Variants in NKAIN4 observed in about 807,000 individuals in gnomAD.
NKAIN4 encodes sodium/potassium-transporting ATPase subunit beta-1-interacting protein 4.
Under a neutral mutation model 28.8 loss-of-function variants are expected in NKAIN4, and 28 were observed. That is an observed-to-expected ratio of 0.97 (90% CI 0.72 to 1.33). The LOEUF (loss-of-function observed/expected upper bound fraction) is 1.33, where lower values mean the gene tolerates loss of function less well. Ranked by LOEUF, NKAIN4 falls within the 40% of genes most tolerant of loss-of-function variation. NKAIN4 has a pLI of 0.00. For missense variants in NKAIN4, 289 were observed against 277.2 expected (o/e 1.04, Z -0.30); for synonymous variants, 122 against 115.6 (o/e 1.06, Z -0.36).
intron 4 of NKAIN4, chr20:63,244,333 G>A (rs2066817698): frequency 1.0e-5 from 6 of 572,456 alleles, no homozygotes; most frequent in Non-Finnish European, 2.0e-5. Flanking sequence ...GGTGGGTGAG[G>A]ATAATGGATA....
At position 63,245,761 on chromosome 20, in the gene NKAIN4, G is replaced by A. The variant is rs1340061154; in HGVS notation, c.472-1677C>T. Among the ~76,000 whole-genome samples the A allele has an allele frequency of 1.3e-5, 2 of 152,054 alleles. No individual in the cohort carries two copies. Among genetic ancestry groups the A allele is most frequent in the Non-Finnish European group, 2.9e-5 (2 of 68,022 alleles). On this transcript the variant is annotated intron_variant, in intron 4 of 6. Coordinates refer to ENST00000370316, the MANE Select transcript of NKAIN4 (RefSeq NM_152864.4). The surrounding 1 kb of genome is among the most constrained non-coding windows in gnomAD (Gnocchi z 4.7). The stretch of plus-strand genomic sequence containing the variant: ...GATCCTAGCGAGGACTAGCTGGCTG[G>A]AATTTAGAAACTACATCCTATCAAA...
In NKAIN4 at chr20:63,241,503, A is replaced by G; in HGVS notation, c.621T>C (p.Pro207=). The change falls in exon 7 of 7, where the codon CCT becomes CCC. Residue 207 remains proline (P), a synonymous_variant. Coordinates refer to ENST00000370316, the MANE Select transcript of NKAIN4 (RefSeq NM_152864.4). ...SSLLSKQVYL[P]A is the part of the protein sequence containing the mutation. Reference sequence around the variant, plus strand: ...GGATCAGCTGTTTCCTCACTTACGCAGGCCTGTGGGGACAAGGTCAGAGAG... The same window carrying G: ...GGATCAGCTGTTTCCTCACTTACGCGGGCCTGTGGGGACAAGGTCAGAGAG... 6.5e-7 allele frequency: 1 copy of G among 1,550,148 alleles called. No homozygotes were observed. The highest frequency in any genetic ancestry group is 1.2e-5 in the South Asian group (1 of 84,032).
In NKAIN4 at chr20:63,244,028, G is replaced by C; in HGVS notation, c.528C>G (p.Asp176Glu). ...CTGCAGAGGCCCCATACTCACAGCT[G>C]TCCTCTTCCTCCGTAAACACGCTGA... is the stretch of plus-strand genomic sequence containing the variant. ...QVVSVFTEEE[D>E]SFDFIGGFDP... The change falls in exon 5 of 7, where the codon GAC (aspartate) becomes GAG (glutamate). Residue 176 changes from aspartate to glutamate, a missense_variant. Transcript: ENST00000370316. 1 of 1,613,150 alleles carries C rather than the reference G, an allele frequency of 6.2e-7. No individual in the cohort carries two copies. Among genetic ancestry groups the C allele is most frequent in the Non-Finnish European group, 8.5e-7 (1 of 1,179,474 alleles).
At chr20:63,250,992 C>T (rs939196654) in intron 1 of NKAIN4, among the ~76,000 whole-genome samples, 9 of 148,724 alleles carry the variant, frequency 6.1e-5, no homozygotes, top group African/African-American at 9.9e-5. Context: ...ACCACCAAGA[C>T]GCAGAGACCA....
At chr20:63,253,505 A>G (rs2066997112) in intron 1 of NKAIN4, 1 of 985,504 alleles carries the variant, frequency 1.0e-6, no homozygotes, top group Non-Finnish European at 1.2e-6. Flanking sequence ...CAAGAGGAGG[A>G]GGGGGGCGCG....
chr20:63,252,590 T>C lies in NKAIN4; in HGVS notation c.54+1807A>G, dbSNP rs1390714738. Among the ~76,000 whole-genome samples the C allele has an allele frequency of 6.6e-6, 1 of 152,110 alleles. No individual in the cohort carries two copies. Among genetic ancestry groups the C allele is most frequent in the African/African-American group, 2.4e-5 (1 of 41,424 alleles). The stretch of plus-strand genomic sequence containing the variant: ...AGAGGAGGCACAGTGGGCTGCCAGA[T>C]TGCCAACCCGGCCAGGACAAAAGGC... On this transcript the variant is annotated intron_variant, in intron 1 of 6. Transcript: ENST00000370316. The surrounding 1 kb of genome is among the most constrained non-coding windows in gnomAD (Gnocchi z 4.6).
In NKAIN4 at chr20:63,247,784, G is replaced by GCTCC; in HGVS notation, c.274-10_274-9insGGAG. On this transcript the variant is annotated splice_polypyrimidine_tract_variant and intron_variant, in intron 3 of 6. Coordinates refer to ENST00000370316, the MANE Select transcript of NKAIN4 (RefSeq NM_152864.4). ...GTCAGTAGCTCGCTGTCCTAGGGGA[G>GCTCC]AGGTGCAGGAGCAGGGCCGGTTAGC... 6.9e-7 allele frequency: 1 copy of GCTCC among 1,441,974 alleles called. No individual in the cohort carries two copies. The highest frequency in any genetic ancestry group is 9.1e-7 in the Non-Finnish European group (1 of 1,093,620). The allele number at this position is 1,441,974 out of a possible 1,614,324, so 89.3% of individuals were successfully genotyped here.
At position 63,254,436 on chromosome 20, in the gene NKAIN4, G is replaced by A. The variant is rs1268946506; in HGVS notation, c.15C>T (p.Ser5=). 1.4e-6 allele frequency: 2 copies of A among 1,415,300 alleles called. No homozygotes were observed. The highest frequency in any genetic ancestry group is 1.8e-6 in the Non-Finnish European group (2 of 1,083,154). The allele number at this position is 1,415,300 out of a possible 1,614,324, so 87.7% of individuals were successfully genotyped here. The part of the protein sequence containing the change: MGSC[S]GRCALVVLCA... ...AGAGGACGACGAGCGCGCAGCGGCC[G>A]GAGCAGGAGCCCATGGTGCCCGCCT... is the stretch of plus-strand genomic sequence containing the variant. The change falls in exon 1 of 7, where the codon TCC becomes TCT. Residue 5 remains serine, a synonymous_variant. Transcript: ENST00000370316.
chr20:63,243,009 G>A lies in NKAIN4; in HGVS notation c.533-386C>T, dbSNP rs1217841060. Among the ~76,000 whole-genome samples, 5 of 152,308 alleles carry A rather than the reference G, an allele frequency of 3.3e-5. No homozygotes were observed. The East Asian group carries it at 9.7e-4, about 29-fold the overall frequency. On this transcript the variant is annotated intron_variant, in intron 5 of 6. Coordinates refer to ENST00000370316, the MANE Select transcript of NKAIN4 (RefSeq NM_152864.4). ...CTGTGCAGGGGCTGCACCGTGTTCC[G>A]CCCACTCTCCCGCCGCCCTCCGTCA...
rs762342864 is a variant in NKAIN4, at chr20:63,242,567, A to G, written c.589T>C (p.Ser197Pro). ...FPLYHVNEKPSSLLSKQVYLP... is the reference protein window; with the variant it reads ...FPLYHVNEKPPSLLSKQVYLP... ...TACACCTGCTTGGACAAGAGACTGG[A>G]TGGCTTTTCATTGACATGGTAGAGA... Residue 197 changes from serine (S) to proline (P), a missense_variant, in exon 6 of 7, where the codon TCC (serine) becomes CCC (proline). Coordinates refer to ENST00000370316, the MANE Select transcript of NKAIN4 (RefSeq NM_152864.4). The G allele has an allele frequency of 6.2e-7, 1 of 1,613,564 alleles. No homozygotes were observed. The highest frequency in any genetic ancestry group is 8.5e-7 in the Non-Finnish European group (1 of 1,179,606).
intron 1 of NKAIN4, 22 bp downstream of exon 1, chr20:63,254,375 T>C: frequency 6.9e-7 from 1 of 1,443,820 alleles, no homozygotes; most frequent in Middle Eastern, 2.4e-4. Flanking sequence ...TCCAGGAGGC[T>C]CGCGGAGGGG....
At position 63,250,817 on chromosome 20, in the gene NKAIN4, C is replaced by G. The variant is rs1056633551; in HGVS notation, c.55-745G>C. ...CAGGGACTGGCGCACTCGGCACCAC[C>G]CGTCACCAGCTCCTTCCCACGTGCT... On this transcript the variant is annotated intron_variant, in intron 1 of 6. Coordinates refer to ENST00000370316, the MANE Select transcript of NKAIN4 (RefSeq NM_152864.4). Among the ~76,000 whole-genome samples the G allele has an allele frequency of 3.9e-5, 6 of 152,212 alleles. No homozygotes were observed. In the South Asian group the frequency reaches 6.2e-4, roughly 16 times the overall value.
At chr20:63,244,610 G>A (rs560715444) in intron 4 of NKAIN4, 93 of 463,482 alleles carry the variant, frequency 2.0e-4, no homozygotes, top group Non-Finnish European at 2.7e-4. Context: ...GGGCAACTCC[G>A]GGCAGAGTTG....
intron 4 of NKAIN4, chr20:63,246,716 G>A: frequency 2.0e-6 from 2 of 985,464 alleles, no homozygotes; most frequent in Non-Finnish European, 2.4e-6. Flanking sequence ...GACGGCACCA[G>A]CCGTGCTGCA....
chr20:63,254,814 T>C (rs921837605), upstream of NKAIN4: 2 of 196,432 alleles, frequency 1.0e-5, no homozygotes, highest in Admixed American at 1.2e-4. Flanking sequence ...TCCTGCAGGA[T>C]GACCTGCCCA....
At chr20:63,254,097 G>C (rs1177791558) in intron 1 of NKAIN4, 3 of 416,462 alleles carry the variant, frequency 7.2e-6, no homozygotes, top group Non-Finnish European at 1.3e-5. Context: ...GGCCCCGCCC[G>C]AAGGCTTCCG....
chr20:63,243,001 C>T (rs952430632), intron 5 of NKAIN4, among the ~76,000 whole-genome samples: 2 of 152,182 alleles, frequency 1.3e-5, no homozygotes, highest in Admixed American at 6.5e-5. Context: ...GGGGCTGCAC[C>T]GTGTTCCGCC....
Position 63,245,838 on chromosome 20 carries a change from C to T in NKAIN4, c.471+1740G>A, listed in dbSNP as rs902864837. On this transcript the variant is annotated intron_variant, in intron 4 of 6. Transcript: ENST00000370316. This position sits in a 1 kb window ranked among gnomAD's most constrained non-coding sequence, Gnocchi z 4.7. ...TAAAAGCCAACAGGAGGCCCCATCT[C>T]CCCAACCATGCAGAGTGCCCACTCC... Among the ~76,000 whole-genome samples, 2 of 152,154 alleles carry T rather than the reference C, an allele frequency of 1.3e-5. No homozygotes were observed. The highest frequency in any genetic ancestry group is 6.5e-5 in the Admixed American group (1 of 15,274).
chr20:63,249,976 G>C lies in NKAIN4; in HGVS notation c.151C>G (p.Leu51Val). 6.2e-7 allele frequency: 1 copy of C among 1,613,488 alleles called. No individual in the cohort carries two copies. Among genetic ancestry groups the C allele is most frequent in the Non-Finnish European group, 8.5e-7 (1 of 1,179,952 alleles). ...FVHIIIVILGLFGTIQYRLRY... is the reference protein window; with the variant it reads ...FVHIIIVILGVFGTIQYRLRY... Reference sequence around the variant, plus strand: ...AGCCGGTACTGGATGGTGCCGAAGAGTCCCAGGATGACGATGATGATGTGG... The same window carrying C: ...AGCCGGTACTGGATGGTGCCGAAGACTCCCAGGATGACGATGATGATGTGG... The change falls in exon 2 of 7, where the codon CTC (leucine) becomes GTC (valine). Residue 51 changes from leucine to valine, a missense_variant. By Grantham distance (32) the Leu-to-Val change is conservative. Coordinates refer to ENST00000370316, the MANE Select transcript of NKAIN4 (RefSeq NM_152864.4).
Sources: allele counts gnomAD v4.1 joint callset (sites outside exome capture counted in the v4.1 genomes callset), GRCh38; gene constraint gnomAD v4.1.1; non-coding constraint Gnocchi (gnomAD v3.1); transcripts MANE v1.5; gene names NCBI Gene and HGNC (gene_info 2026-07-23, HGNC 2026-07-21).